Variants in DUSP16 observed in about 807,000 individuals in gnomAD.
DUSP16 encodes the protein dual specificity phosphatase 16, also known as dual specificity protein phosphatase 16.
In DUSP16, 21 loss-of-function variants were observed where a neutral mutation model predicts 58.3. The observed-to-expected ratio is 0.36, with a 90% CI of 0.26 to 0.52. DUSP16 has a LOEUF of 0.52. DUSP16 is among the 20% of genes least tolerant of loss of function. The pLI is 0.94. For synonymous variants in DUSP16, 320 were observed against 323.8 expected, an observed-to-expected ratio of 0.99 and a Z score of 0.12; for missense variants, 726 against 819.0, an observed-to-expected ratio of 0.89 and a Z score of 1.39.
chr12:12,485,698 C>T (rs947901335), intron 5 of DUSP16, among the ~76,000 whole-genome samples: 5 of 151,526 alleles, frequency 3.3e-5, no homozygotes, highest in African/African-American at 1.2e-4. Flanking sequence ...CCAAGCTGGT[C>T]TCGAACTCCT....
chr12:12,503,948 C>G (rs1211779061), intron 3 of DUSP16, among the ~76,000 whole-genome samples: 2 of 152,156 alleles, frequency 1.3e-5, no homozygotes, highest in Non-Finnish European at 2.9e-5. Flanking sequence ...CCTGTACTTA[C>G]AAGTACAACC....
intron 4 of DUSP16, among the ~76,000 whole-genome samples, chr12:12,493,172 G>A (rs942465755): frequency 1.3e-5 from 2 of 152,088 alleles, no homozygotes; most frequent in African/African-American, 4.8e-5. Flanking sequence ...AAGTATAACA[G>A]GCATTTCGAA....
chr12:12,554,911 G>A (rs541701451), intron 1 of DUSP16, among the ~76,000 whole-genome samples: 17 of 152,146 alleles, frequency 1.1e-4, no homozygotes, highest in African/African-American at 3.4e-4. Flanking sequence ...CTAAAGCTAC[G>A]AAGGAAGAGG....
At chr12:12,539,888 T>C (rs1944525882) in intron 1 of DUSP16, among the ~76,000 whole-genome samples, 1 of 151,608 alleles carries the variant, frequency 6.6e-6, no homozygotes, top group Non-Finnish European at 1.5e-5. Flanking sequence ...CCGTCTCTAC[T>C]AAAAAATACG....
intron 1 of DUSP16, among the ~76,000 whole-genome samples, chr12:12,561,467 C>T (rs937094057): frequency 2.0e-5 from 3 of 152,188 alleles, no homozygotes; most frequent in Non-Finnish European, 1.5e-5. Flanking sequence ...ACACGTGATA[C>T]ACAGACCCTG....
At position 12,493,848 on chromosome 12, in the gene DUSP16, C is replaced by G. The variant is rs1943793923; in HGVS notation, c.532-6661G>C. Among the ~76,000 whole-genome samples the G allele has an allele frequency of 1.3e-5, 2 of 152,196 alleles. 1 individual carries two copies. Among genetic ancestry groups the G allele is most frequent in the Non-Finnish European group, 2.9e-5 (2 of 68,026 alleles). On this transcript the variant is annotated intron_variant, in intron 4 of 6. Coordinates refer to ENST00000298573, the MANE Select transcript of DUSP16 (RefSeq NM_030640.3). ...ATCCCCAGCCCTCTTACCCTGTTTT[C>G]TTCATAGCACTCATACTGTACTATA...
intron 3 of DUSP16, among the ~76,000 whole-genome samples, chr12:12,501,274 T>A (rs1047042205): frequency 1.3e-5 from 2 of 152,206 alleles, no homozygotes; most frequent in Non-Finnish European, 2.9e-5. Flanking sequence ...TTACCACTGA[T>A]GTCTGGAGAG....
intron 1 of DUSP16, among the ~76,000 whole-genome samples, chr12:12,546,991 A>G (rs1944649484): frequency 6.6e-6 from 1 of 152,202 alleles, no homozygotes; most frequent in African/African-American, 2.4e-5. Context: ...TAACATCATG[A>G]TATCATTGTC....
At chr12:12,490,536 A>T (rs887046172) in intron 4 of DUSP16, among the ~76,000 whole-genome samples, 5 of 152,236 alleles carry the variant, frequency 3.3e-5, no homozygotes, top group Admixed American at 3.3e-4. Flanking sequence ...ATCATTAAAA[A>T]TGATATATAC....
At chr12:12,552,025 T>C (rs1180473336) in intron 1 of DUSP16, among the ~76,000 whole-genome samples, 1 of 152,136 alleles carries the variant, frequency 6.6e-6, no homozygotes, top group Non-Finnish European at 1.5e-5. Context: ...GAATGATCAA[T>C]GTATGCAGTT....
At chr12:12,550,335 T>G (rs2136265943) in intron 1 of DUSP16, among the ~76,000 whole-genome samples, 1 of 152,178 alleles carries the variant, frequency 6.6e-6, no homozygotes, top group South Asian at 2.1e-4. Context: ...TGGTACTAGT[T>G]TACACCAGCA....
intron 1 of DUSP16, among the ~76,000 whole-genome samples, chr12:12,550,002 G>T (rs114948744): frequency 6.6e-6 from 1 of 152,090 alleles, no homozygotes; most frequent in Admixed American, 6.6e-5. Context: ...ATTTAGATGC[G>T]TGTATCAGAC....
chr12:12,550,571 C>T (rs1944710286), intron 1 of DUSP16, among the ~76,000 whole-genome samples: 1 of 152,078 alleles, frequency 6.6e-6, no homozygotes, highest in Non-Finnish European at 1.5e-5. Context: ...TTTTTAAAAA[C>T]CCAGTTTCAC....
At position 12,535,140 on chromosome 12, in the gene DUSP16, C is replaced by T. The variant is rs960672533; in HGVS notation, c.-365-13677G>A. ...CAAGAGTCTGCCTGGCACATTAGGA[C>T]GGACACCTGTGCCAGTGCTCAGCCG... On this transcript the variant is annotated intron_variant, in intron 1 of 6. Coordinates refer to ENST00000298573, the MANE Select transcript of DUSP16 (RefSeq NM_030640.3). 5.3e-5 allele frequency among the ~76,000 whole-genome samples: 8 copies of T among 152,318 alleles called. No individual in the cohort carries two copies. The East Asian group carries it at 9.6e-4, about 18-fold the overall frequency.
At chr12:12,528,899 GCCTTA>G (rs1331999108) in intron 1 of DUSP16, among the ~76,000 whole-genome samples, 1 of 152,114 alleles carries the variant, frequency 6.6e-6, no homozygotes, top group Non-Finnish European at 1.5e-5. Context: ...GTCACAGAAG[GCCTTA>G]CCTTGAGAAC....
rs77049450 is a variant in DUSP16, at chr12:12,476,412, C to G, written c.*421G>C. ...CTAACAGGGTCTACCTACCTGACCC[C>G]CAAGCTGGCTCAGTCTCAGCGCTAA... On this transcript the variant is annotated 3_prime_UTR_variant, in exon 7 of 7. Coordinates refer to ENST00000298573, the MANE Select transcript of DUSP16 (RefSeq NM_030640.3). 1,489 of 157,484 alleles carry G rather than the reference C, an allele frequency of 9.5e-3. 25 individuals are homozygous for G. The highest frequency in any genetic ancestry group is 0.034 in the African/African-American group (1,399 of 41,618). 9.8% of individuals were successfully genotyped at this position (157,484 alleles called of 1,614,324 possible).
rs1261685164 is a variant in DUSP16, at chr12:12,477,331, T to G, written c.1500A>C (p.Leu500Phe). 6.2e-7 allele frequency: 1 copy of G among 1,614,184 alleles called. No individual in the cohort carries two copies. The highest frequency in any genetic ancestry group is 1.7e-5 in the Admixed American group (1 of 60,024). ...CGCTCCCACTTCGATGCAGTGGAGA[T>G]AAAAGGGACCTCTGGGCGGTGCCAC... is the stretch of plus-strand genomic sequence containing the variant. ...SSSGTAQRSL[L>F]SPLHRSGSVE... The change falls in exon 7 of 7, where the codon TTA becomes TTC. Residue 500 changes from leucine (L) to phenylalanine (F), a missense_variant. Transcript: ENST00000298573. The surrounding 1 kb of genome is among the most constrained non-coding windows in gnomAD (Gnocchi z 4.1).
intron 5 of DUSP16, among the ~76,000 whole-genome samples, chr12:12,480,631 T>C (rs1468419206): frequency 1.3e-5 from 2 of 152,228 alleles, no homozygotes; most frequent in African/African-American, 4.8e-5. Context: ...GTTAGTATTT[T>C]CCCCTAAGAT....
chr12:12,561,810 C>A (rs1240520860), intron 1 of DUSP16, among the ~76,000 whole-genome samples: 1 of 151,604 alleles, frequency 6.6e-6, no homozygotes, highest in East Asian at 1.9e-4. Context: ...CGCGCAGCGG[C>A]CGGGAGCGCA....
Sources: allele counts gnomAD v4.1 joint callset (sites outside exome capture counted in the v4.1 genomes callset), GRCh38; gene constraint gnomAD v4.1.1; non-coding constraint Gnocchi (gnomAD v3.1); transcripts MANE v1.5; gene names NCBI Gene and HGNC (gene_info 2026-07-23, HGNC 2026-07-21).